Variants in CEBPZ observed in about 807,000 individuals in gnomAD.
The protein encoded by CEBPZ is CCAAT enhancer binding protein zeta, also known as CCAAT/enhancer-binding protein zeta.
CEBPZ carries 78 observed loss-of-function variants against 104.5 expected under a neutral mutation model. The ratio of observed to expected loss-of-function variants is 0.75; its 90% CI spans 0.62 to 0.90. The LOEUF is 0.90. CEBPZ is among the 40% of genes least tolerant of loss of function. The probability of loss-of-function intolerance (pLI) is 0.00; values close to 1 mark genes in which losing one functional copy is unlikely to be tolerated. For synonymous variants in CEBPZ, 470 were observed against 427.0 expected (o/e 1.10, Z -1.24); for missense variants, 1,439 against 1,233.5 (o/e 1.17, Z -2.50).
chr2:37,226,840 G>T (rs1362606108), intron 2 of CEBPZ, among the ~76,000 whole-genome samples: 1 of 152,080 alleles, frequency 6.6e-6, no homozygotes, highest in Non-Finnish European at 1.5e-5. Context: ...TTTACACATT[G>T]CTGAAAATAT....
At chr2:37,212,193 A>C in intron 11 of CEBPZ, 142 bp downstream of exon 11, 1 of 980,936 alleles carries the variant, frequency 1.0e-6, no homozygotes, top group Admixed American at 2.4e-5. Context: ...ATAAATGTCA[A>C]AGATGAAAGT....
intron 13 of CEBPZ, among the ~76,000 whole-genome samples, chr2:37,208,057 G>C (rs1457570456): frequency 6.6e-6 from 1 of 152,000 alleles, no homozygotes. Context: ...AGAGAAAAAT[G>C]GATAAATTCC....
At chr2:37,212,164 G>T in intron 11 of CEBPZ, 125 bp from the exon 12 acceptor site, 1 of 998,616 alleles carries the variant, frequency 1.0e-6, no homozygotes, top group Non-Finnish European at 1.5e-6. Flanking sequence ...ACTGCTCAGA[G>T]TAAATAATAA....
intron 4 of CEBPZ, 95 bp downstream of exon 4, chr2:37,222,281 CTAAA>C (rs1234054313): frequency 1.0e-5 from 11 of 1,105,402 alleles, no homozygotes; most frequent in African/African-American, 1.6e-5. Flanking sequence ...GAGACTCTGT[CTAAA>C]TAAATAAATA....
intron 10 of CEBPZ, 172 bp from the exon 11 acceptor site, chr2:37,212,564 T>G: frequency 1.8e-6 from 1 of 570,482 alleles, no homozygotes; most frequent in Middle Eastern, 4.4e-4. Flanking sequence ...TACAAACCTG[T>G]GAAATACTGA....
At chr2:37,212,149 T>C in intron 11 of CEBPZ, 110 bp from the exon 12 acceptor site, 1 of 1,046,624 alleles carries the variant, frequency 9.6e-7, no homozygotes, top group East Asian at 2.4e-5. Context: ...GAGAAAGCTT[T>C]GCAGACTGCT....
At position 37,216,146 on chromosome 2, in the gene CEBPZ, G is replaced by A. The variant is rs780690720; in HGVS notation, c.2374C>T (p.Leu792Phe). Residue 792 changes from leucine to phenylalanine, a missense_variant, in exon 8 of 16, where the codon CTT (leucine) becomes TTT (phenylalanine). Coordinates refer to ENST00000234170, the MANE Select transcript of CEBPZ (RefSeq NM_005760.3). ...RKHFIKDIRH[L>F]PVNSKEFLAK... is the part of the protein sequence containing the mutation. ...GTCTAAGGTTTATACTTACCAGGAAGATGACGAATATCCTTAATAAAATGT... is the reference window on the plus strand; with the variant it reads ...GTCTAAGGTTTATACTTACCAGGAAAATGACGAATATCCTTAATAAAATGT... 4 of 1,609,286 alleles carry A rather than the reference G, an allele frequency of 2.5e-6. No individual in the cohort carries two copies. In the South Asian group the frequency reaches 3.3e-5, roughly 13 times the overall value.
chr2:37,220,329 AT>A (rs1188397583), intron 5 of CEBPZ, 55 bp downstream of exon 5: 12,165 of 426,272 alleles, frequency 0.029, 138 homozygotes, highest in Middle Eastern at 0.039. Context: ...AAAAAAAAAA[AT>A]ATATATATAT....
chr2:37,202,694 AATAAATAAAAT>A, intron 15 of CEBPZ, 79 bp downstream of exon 15: 1 of 166,086 alleles, frequency 6.0e-6, no homozygotes. Context: ...AAAAAAAAAG[AATAAATAAAAT>A]AACGAAAATT....
rs935103470 is a variant in CEBPZ at position 37,208,333 on chromosome 2, T to C, written c.2884+2666A>G. On this transcript the variant is annotated intron_variant, in intron 13 of 15. Transcript: ENST00000234170. ...TCGCCCTAATTCCAAAATCAGGAAATGACATAACAAAAGAAAACTAGAGAC... is the reference window on the plus strand; with the variant it reads ...TCGCCCTAATTCCAAAATCAGGAAACGACATAACAAAAGAAAACTAGAGAC... Among the ~76,000 whole-genome samples, 3 of 151,782 alleles carry C rather than the reference T, an allele frequency of 2.0e-5. No individual in the cohort carries two copies. In the East Asian group the frequency reaches 5.8e-4, roughly 29 times the overall value.
rs375272343 is a variant in CEBPZ, at chr2:37,222,574, T to C, written c.1882-11A>G. On this transcript the variant is annotated splice_polypyrimidine_tract_variant and intron_variant, in intron 3 of 15. Coordinates refer to ENST00000234170, the MANE Select transcript of CEBPZ (RefSeq NM_005760.3). ...TTCATCATCAGACTCCTAACAAAAGTATAGTTTCATAAATCTACATAAATC... is the reference window on the plus strand; with the variant it reads ...TTCATCATCAGACTCCTAACAAAAGCATAGTTTCATAAATCTACATAAATC... 6.4e-6 allele frequency: 10 copies of C among 1,552,930 alleles called. No individual in the cohort carries two copies. The highest frequency in any genetic ancestry group is 2.3e-5 in the East Asian group (1 of 43,940).
chr2:37,208,509 T>C (rs946614043), intron 13 of CEBPZ, among the ~76,000 whole-genome samples: 5 of 152,092 alleles, frequency 3.3e-5, no homozygotes, highest in Non-Finnish European at 2.9e-5. Context: ...TCAATAAATA[T>C]GATATACCAC....
At chr2:37,213,490 C>T (rs2148351055) in intron 10 of CEBPZ, 1 of 160,192 alleles carries the variant, frequency 6.2e-6, no homozygotes, top group South Asian at 1.7e-4. Flanking sequence ...TGGCTCACGG[C>T]AACCTCTGAC....
At position 37,202,814 on chromosome 2, in the gene CEBPZ, T is replaced by A. The variant is rs746619114; in HGVS notation, c.2995A>T (p.Met999Leu). The change falls in exon 15 of 16, where the codon ATG becomes TTG. Residue 999 changes from methionine to leucine, a missense_variant. Met to Leu is a conservative substitution (Grantham distance 15). Coordinates refer to ENST00000234170, the MANE Select transcript of CEBPZ (RefSeq NM_005760.3). ...NMGSKFDNIGMNAMANKDNAS... is the reference protein window; with the variant it reads ...NMGSKFDNIGLNAMANKDNAS... ...TTATCTTTGTTAGCCATGGCATTCA[T>A]GCCAATGTTATCAAACTTGGATCCC... The A allele has an allele frequency of 2.5e-6, 4 of 1,598,630 alleles. No homozygotes were observed. The African/African-American group carries it at 5.4e-5, about 22-fold the overall frequency.
At chr2:37,220,509 C>T in intron 4 of CEBPZ, 36 bp from the exon 5 acceptor site, 1 of 1,131,936 alleles carries the variant, frequency 8.8e-7, no homozygotes, top group Non-Finnish European at 1.3e-6. Context: ...TTCTCAAATG[C>T]TTTCTTCCTA....
At chr2:37,214,049 C>T (rs1677806421) in intron 9 of CEBPZ, 88 bp from the exon 10 acceptor site, 2 of 585,998 alleles carry the variant, frequency 3.4e-6, no homozygotes, top group Admixed American at 7.7e-5. Flanking sequence ...CAGTGGCAAA[C>T]CACAACTGTA....
chr2:37,231,359 A>G, intron 1 of CEBPZ, 53 bp downstream of exon 1: 1 of 1,609,326 alleles, frequency 6.2e-7, no homozygotes, highest in Admixed American at 1.7e-5. Context: ...CAGCCTAGCC[A>G]CCTTCGGAAC....
At chr2:37,211,669 C>T (rs2148348190) in intron 12 of CEBPZ, 174 bp downstream of exon 12, 1 of 541,676 alleles carries the variant, frequency 1.8e-6, no homozygotes, top group South Asian at 3.2e-5. Flanking sequence ...ACATAACACA[C>T]AATAAAAACC....
intron 5 of CEBPZ, among the ~76,000 whole-genome samples, chr2:37,218,966 C>A (rs931116227): frequency 3.3e-5 from 5 of 152,206 alleles, no homozygotes; most frequent in Non-Finnish European, 4.4e-5. Context: ...TTTACCACAA[C>A]AATCACATTG....
Sources: gnomAD v4.1 joint callset for allele counts (sites outside exome capture counted in the v4.1 genomes callset) on GRCh38, gnomAD v4.1.1 for gene constraint, MANE v1.5 for transcripts, NCBI Gene and HGNC (gene_info 2026-07-23, HGNC 2026-07-21) for gene names.